NADK: variants seen among roughly 807,000 people sequenced by gnomAD.
The protein encoded by NADK is NAD kinase, also known as poly(P)/ATP NAD kinase.
In NADK, 22 loss-of-function variants were observed where a neutral mutation model predicts 49.8. That is an observed-to-expected ratio of 0.44 (90% confidence interval 0.32 to 0.63). The LOEUF is 0.63. Among genes scored for constraint, NADK ranks in the 30% least tolerant of loss-of-function variants. The pLI is 0.06. For missense variants in NADK, 438 were observed against 609.4 expected, an observed-to-expected ratio of 0.72 and a Z score of 2.96; for synonymous variants, 268 against 253.7, an observed-to-expected ratio of 1.06 and a Z score of -0.54.
intron 2 of NADK, among the ~76,000 whole-genome samples, chr1:1,763,248 G>A (rs1483964333): frequency 1.3e-5 from 2 of 152,244 alleles, no homozygotes; most frequent in African/African-American, 4.8e-5. Flanking sequence ...ACTTTGGGAG[G>A]CCAAGGCAGG....
At chr1:1,759,928 G>C in intron 3 of NADK, 1 of 1,550,030 alleles carries the variant, frequency 6.5e-7, no homozygotes, top group African/African-American at 1.4e-5. Flanking sequence ...AGTGCAGGGA[G>C]GGCACCAGGC....
At chr1:1,753,494 G>T in intron 11 of NADK, 73 bp downstream of exon 11, 1 of 1,328,548 alleles carries the variant, frequency 7.5e-7, no homozygotes, top group Non-Finnish European at 1.1e-6. Context: ...CAGGCCAACC[G>T]CAAGAGGGCA....
chr1:1,759,353 C>CA, intron 3 of NADK: 1 of 1,393,762 alleles, frequency 7.2e-7, no homozygotes, highest in Non-Finnish European at 9.5e-7. Flanking sequence ...GGGTACTGCA[C>CA]GGAGAGGGCA....
In NADK at chr1:1,757,286, C is replaced by T. The variant is rs148968453; in HGVS notation, c.288G>A (p.Gln96=). 3.7e-5 allele frequency: 60 copies of T among 1,613,776 alleles called. No homozygotes were observed. Among genetic ancestry groups the T allele is most frequent in the Admixed American group, 5.0e-5 (3 of 59,990 alleles). The change falls in exon 4 of 12, where the codon CAG becomes CAA. Residue 96 remains glutamine (Q), a synonymous_variant. Transcript: ENST00000341426. ...TTGGGGACTTGTTCCACGTCAGCCG[C>T]TGGCTCGCGGGGTCCTGAATGTGCC... The part of the protein sequence containing the change: ...TIMHIQDPAS[Q]RLTWNKSPKS...
At position 1,755,514 on chromosome 1, in the gene NADK, G is replaced by A. The variant is rs374969602; in HGVS notation, c.586-38C>T. 77 of 1,484,288 alleles carry A rather than the reference G, an allele frequency of 5.2e-5. No individual in the cohort carries two copies. In the Admixed American group the frequency reaches 5.9e-4, roughly 11 times the overall value. The allele number at this position is 1,484,288 out of a possible 1,614,324, so 91.9% of individuals were successfully genotyped here. On this transcript the variant is annotated intron_variant, in intron 6 of 11. Transcript: ENST00000341426. Reference sequence around the variant, plus strand: ...GGAGAGGTCACTCAGTGCCCACGCCGTGCACCCCCGCACCACCCAGCTTTC... The same window carrying A: ...GGAGAGGTCACTCAGTGCCCACGCCATGCACCCCCGCACCACCCAGCTTTC...
chr1:1,779,667 T>TTGTGTGTGTGTG (rs34618817), upstream of NADK, among the ~76,000 whole-genome samples: 25 of 148,696 alleles, frequency 1.7e-4, no homozygotes, highest in African/African-American at 4.2e-4. Context: ...ATATATATAT[T>TTGTGTGTGTGTG]TGTGTGTGTG....
intron 1 of NADK, among the ~76,000 whole-genome samples, chr1:1,773,294 C>T (rs1646105468): frequency 6.6e-6 from 1 of 151,180 alleles, no homozygotes; most frequent in Admixed American, 6.6e-5. Context: ...TGCCCGCCGC[C>T]ACACCCGGCT....
In NADK at chr1:1,757,162, T is replaced by TCCCCC; in HGVS notation, c.393+14_393+18dup. On this transcript the variant is annotated intron_variant, in intron 4 of 11. Coordinates refer to ENST00000341426, the MANE Select transcript of NADK (RefSeq NM_023018.5). ...ACTCCATGTGCACCCCAGGCCCCCTTCCCCCCTGCCCCGCGTGCCTCCATG... is the reference window on the plus strand; with the variant it reads ...ACTCCATGTGCACCCCAGGCCCCCTTCCCCCCCCCCCTGCCCCGCGTGCCTCCATG... 1 of 620,788 alleles carries TCCCCC rather than the reference T, an allele frequency of 1.6e-6. No individual in the cohort carries two copies. The highest frequency in any genetic ancestry group is 2.6e-6 in the Non-Finnish European group (1 of 380,270). 38.5% of individuals were successfully genotyped at this position (620,788 alleles called of 1,614,324 possible).
Position 1,753,526 on chromosome 1 carries a change from G to A in NADK, c.1184+41C>T, listed in dbSNP as rs767084144. On this transcript the variant is annotated intron_variant, in intron 11 of 11. Transcript: ENST00000341426. ...GGCAGGCGCTGCCTGGCCCGGGGAG[G>A]AGGTTGGCAGGCAGCGCCCAGCCCG... 3.8e-6 allele frequency: 6 copies of A among 1,566,656 alleles called. No homozygotes were observed. The East Asian group carries it at 1.4e-4, about 35-fold the overall frequency.
At position 1,758,433 on chromosome 1, in the gene NADK, G is replaced by C. The variant is rs751168911; in HGVS notation, c.264-1123C>G. The C allele has an allele frequency of 1.7e-5, 27 of 1,612,106 alleles. 1 individual carries two copies. In the South Asian group the frequency reaches 3.0e-4, roughly 18 times the overall value. On this transcript the variant is annotated intron_variant, in intron 3 of 11. Transcript: ENST00000341426. The stretch of plus-strand genomic sequence containing the variant: ...CCCCTATGAGCTCAGCACCTGCCGG[G>C]TCACACATGTGGCTCGCGAGGTAGC...
intron 3 of NADK, chr1:1,761,736 CAG>C: frequency 2.1e-6 from 1 of 483,616 alleles, no homozygotes; most frequent in South Asian, 2.7e-5. Context: ...TGCCTGCACT[CAG>C]GGGGTTCAGG....
intron 1 of NADK, among the ~76,000 whole-genome samples, chr1:1,773,235 G>A (rs923316309): frequency 2.0e-5 from 3 of 150,682 alleles, no homozygotes; most frequent in African/African-American, 7.3e-5. Context: ...TGCCTCCAGG[G>A]TTCAAGCAAT....
intron 1 of NADK, among the ~76,000 whole-genome samples, chr1:1,770,527 T>C (rs560192984): frequency 3.3e-5 from 5 of 152,212 alleles, no homozygotes; most frequent in African/African-American, 7.2e-5. Context: ...CAACAGGAAA[T>C]TGAGACCATC....
chr1:1,756,132 T>C, intron 6 of NADK, 126 bp downstream of exon 6: 1 of 913,974 alleles, frequency 1.1e-6, no homozygotes, highest in Non-Finnish European at 1.8e-6. Flanking sequence ...GCCTCAGTGC[T>C]GGCCGCTCTA....
rs1195794455 is a variant in NADK at position 1,754,858 on chromosome 1, G to C, written c.689-160C>G. ...TTATTTTGAGATGGAGTCTCACTCT[G>C]TCACCCAGGCTGGAATGCAGTGGTG... On this transcript the variant is annotated intron_variant, in intron 7 of 11. Coordinates refer to ENST00000341426, the MANE Select transcript of NADK (RefSeq NM_023018.5). The surrounding 1 kb of genome is among the most constrained non-coding windows in gnomAD (Gnocchi z 4.3). 1 of 666,982 alleles carries C rather than the reference G, an allele frequency of 1.5e-6. No individual in the cohort carries two copies. Among genetic ancestry groups the C allele is most frequent in the Admixed American group, 3.2e-5 (1 of 30,820 alleles). 41.3% of individuals were successfully genotyped at this position (666,982 alleles called of 1,614,324 possible).
At chr1:1,775,570 T>C (rs1646187915) in intron 1 of NADK, among the ~76,000 whole-genome samples, 1 of 152,146 alleles carries the variant, frequency 6.6e-6, no homozygotes. Context: ...CCTAAGCAGA[T>C]TACAGGTCTG....
At chr1:1,768,866 C>T (rs1645962800) in intron 1 of NADK, among the ~76,000 whole-genome samples, 1 of 152,144 alleles carries the variant, frequency 6.6e-6, no homozygotes, top group African/African-American at 2.4e-5. Context: ...GAACTATGGA[C>T]ACAAGACTGT....
intron 3 of NADK, 118 bp downstream of exon 3, chr1:1,761,834 C>A: frequency 2.3e-6 from 2 of 876,318 alleles, no homozygotes; most frequent in Middle Eastern, 6.6e-4. Context: ...ACACAGCGAT[C>A]CCACAACTCC....
intron 2 of NADK, among the ~76,000 whole-genome samples, chr1:1,762,749 C>A (rs1645766095): frequency 6.8e-6 from 1 of 147,118 alleles, no homozygotes; most frequent in South Asian, 2.2e-4. Flanking sequence ...AAAAGTGAAA[C>A]TCTGTCTCAA....
Sources: gnomAD v4.1 joint callset for allele counts (sites outside exome capture counted in the v4.1 genomes callset) on GRCh38, gnomAD v4.1.1 for gene constraint, Gnocchi (gnomAD v3.1) non-coding constraint, MANE v1.5 for transcripts, NCBI Gene and HGNC (gene_info 2026-07-23, HGNC 2026-07-21) for gene names.